The following SMG6 variants were observed in gnomAD, a reference collection of about 807,000 sequenced individuals.
The protein encoded by SMG6 is SMG6 nonsense mediated mRNA decay factor, also known as telomerase-binding protein EST1A.
Under a neutral mutation model 142.2 loss-of-function variants are expected in SMG6, and 66 were observed. That is an observed-to-expected ratio of 0.46 (90% CI 0.38 to 0.57). The LOEUF (loss-of-function observed/expected upper bound fraction) is 0.57. SMG6 is among the 20% of genes least tolerant of loss of function. The pLI is 0.00. For missense variants in SMG6, 1,793 were observed against 1,832.0 expected (o/e 0.98, Z 0.39); for synonymous variants, 779 against 702.4 (o/e 1.11, Z -1.72).
chr17:2,300,030 T>G lies in SMG6; in HGVS notation c.723A>C (p.Ala241=), dbSNP rs768254099. The G allele has an allele frequency of 3.0e-5, 48 of 1,614,076 alleles. No individual in the cohort carries two copies. The highest frequency in any genetic ancestry group is 1.7e-6 in the Non-Finnish European group (2 of 1,180,038). The change falls in exon 2 of 19, where the codon GCA becomes GCC. Residue 241 remains alanine (A), a synonymous_variant. Transcript: ENST00000263073. ...DDPARGRPGS[A]KRYSRSDKRR... is the part of the protein sequence containing the mutation. ...GTTTGTCTGAGCGGGAGTAGCGCTT[T>G]GCGGAGCCCGGCCTCCCGCGGGCTG... is the stretch of plus-strand genomic sequence containing the variant.
intron 2 of SMG6, 37 bp from the exon 3 acceptor site, chr17:2,298,092 C>T (rs1176810991): frequency 6.4e-7 from 1 of 1,555,680 alleles, no homozygotes; most frequent in East Asian, 2.3e-5. Context: ...GCTCCAAATA[C>T]ACCACAGAAA....
intron 10 of SMG6, among the ~76,000 whole-genome samples, chr17:2,218,488 G>A (rs1367820987): frequency 6.6e-6 from 1 of 152,160 alleles, no homozygotes; most frequent in Non-Finnish European, 1.5e-5. Flanking sequence ...AGAGCTTGCA[G>A]TGAGCCTAGA....
rs35173108 is a variant in SMG6, at chr17:2,188,435, G to A, written c.2950C>T (p.Arg984Cys). Reference protein sequence around the residue: ...LGLAMFSLLVRRCTCLLKESA... With the variant: ...LGLAMFSLLVCRCTCLLKESA... Reference sequence around the variant, plus strand: ...TCCTTAAGTAAGCAGGTGCAGCGGCGGACCAGTAGAGAAAACATGGCCAAG... The same window carrying A: ...TCCTTAAGTAAGCAGGTGCAGCGGCAGACCAGTAGAGAAAACATGGCCAAG... The change falls in exon 11 of 19, where the codon CGC becomes TGC. Residue 984 changes from arginine (R) to cysteine (C), a missense_variant. Around this residue, in one of 3 missense-constraint regions of SMG6, gnomAD observed 1,597 missense variants for 1,584.6 expected, o/e 1.01. Coordinates refer to ENST00000263073, the MANE Select transcript of SMG6 (RefSeq NM_017575.5). 11,293 of 1,613,922 alleles carry A rather than the reference G, an allele frequency of 7.0e-3. 626 individuals carry two copies. In the African/African-American group the frequency reaches 0.13, roughly 18 times the overall value.
At chr17:2,135,604 G>T (rs2070268396) in intron 13 of SMG6, among the ~76,000 whole-genome samples, 2 of 152,184 alleles carry the variant, frequency 1.3e-5, no homozygotes, top group Non-Finnish European at 2.9e-5. Context: ...GTACCCATTA[G>T]TCTCATGTGG....
chr17:2,119,633 G>A (rs908279156), intron 13 of SMG6, among the ~76,000 whole-genome samples: 2 of 151,934 alleles, frequency 1.3e-5, no homozygotes, highest in Admixed American at 6.6e-5. Flanking sequence ...CTGAGTAGTT[G>A]GGATTACAGG....
At position 2,299,614 on chromosome 17, in the gene SMG6, T is replaced by C. The variant is rs1456288172; in HGVS notation, c.1139A>G (p.Lys380Arg). 1 of 1,614,186 alleles carries C rather than the reference T, an allele frequency of 6.2e-7. No homozygotes were observed. The highest frequency in any genetic ancestry group is 1.1e-5 in the South Asian group (1 of 91,088). The change falls in exon 2 of 19, where the codon AAA (lysine) becomes AGA (arginine). Residue 380 changes from lysine to arginine, a missense_variant. Lys to Arg is a conservative substitution (Grantham distance 26). Transcript: ENST00000263073. This position sits in a 1 kb window ranked among gnomAD's most constrained non-coding sequence, Gnocchi z 4.3. Reference sequence around the variant, plus strand: ...GCCTTTGCCCCCACTGCTCAAGCCTTTGTCAGGCTTTCCTCTATCCATATC... The same window carrying C: ...GCCTTTGCCCCCACTGCTCAAGCCTCTGTCAGGCTTTCCTCTATCCATATC... ...RDDMDRGKPD[K>R]GLSSGGKGSE...
chr17:2,064,859 C>A (rs1342978529), intron 18 of SMG6, among the ~76,000 whole-genome samples: 2 of 151,544 alleles, frequency 1.3e-5, no homozygotes, highest in Non-Finnish European at 3.0e-5. Flanking sequence ...CTGGGCTAGG[C>A]TCATCTCTAG....
intron 13 of SMG6, among the ~76,000 whole-genome samples, chr17:2,090,199 A>G (rs1263195172): frequency 2.1e-4 from 32 of 151,228 alleles, no homozygotes; most frequent in Admixed American, 1.7e-3. Context: ...AAAAAAAAAA[A>G]AAAGGAAAGA....
intron 13 of SMG6, among the ~76,000 whole-genome samples, chr17:2,092,885 G>C (rs1211031645): frequency 6.6e-6 from 1 of 152,224 alleles, no homozygotes; most frequent in Non-Finnish European, 1.5e-5. Flanking sequence ...GTTTGCTCAA[G>C]TTGTTTGTGA....
At chr17:2,141,104 G>A (rs1400828302) in intron 13 of SMG6, among the ~76,000 whole-genome samples, 3 of 152,206 alleles carry the variant, frequency 2.0e-5, no homozygotes, top group African/African-American at 7.2e-5. Flanking sequence ...ACTACATTAA[G>A]ATTTGTTTTT....
chr17:2,282,621 T>G (rs369818856), intron 8 of SMG6, 26 bp downstream of exon 8: 1 of 1,611,382 alleles, frequency 6.2e-7, no homozygotes, highest in Non-Finnish European at 8.5e-7. Context: ...CTAGTTTGGC[T>G]CATTGCATCA....
chr17:2,217,890 G>A (rs2151760587), intron 10 of SMG6, among the ~76,000 whole-genome samples: 1 of 151,646 alleles, frequency 6.6e-6, no homozygotes, highest in South Asian at 2.1e-4. Context: ...CACACCTGTA[G>A]TCCCAGCTAC....
intron 13 of SMG6, among the ~76,000 whole-genome samples, chr17:2,172,333 G>T (rs1597516855): frequency 6.6e-6 from 1 of 152,218 alleles, no homozygotes; most frequent in East Asian, 1.9e-4. Context: ...GGGGGAGAAA[G>T]GAGGGTGCTT....
chr17:2,086,243 C>A (rs1483043470), intron 13 of SMG6, among the ~76,000 whole-genome samples: 1 of 152,184 alleles, frequency 6.6e-6, no homozygotes, highest in Non-Finnish European at 1.5e-5. Context: ...TGGTCTAGAA[C>A]CAGCAGAGGG....
chr17:2,079,081 A>G (rs1176402909), intron 15 of SMG6, among the ~76,000 whole-genome samples: 3 of 152,046 alleles, frequency 2.0e-5, no homozygotes, highest in Non-Finnish European at 2.9e-5. Context: ...CTCCTGCCTC[A>G]GCCTCCCGAG....
chr17:2,297,174 C>A, intron 4 of SMG6, 69 bp downstream of exon 4: 1 of 1,091,000 alleles, frequency 9.2e-7, no homozygotes, highest in South Asian at 1.4e-5. Flanking sequence ...GTGTCTAGCA[C>A]ATACCTAACA....
intron 10 of SMG6, among the ~76,000 whole-genome samples, chr17:2,235,131 CT>C (rs1398319300): frequency 3.3e-5 from 5 of 152,196 alleles, no homozygotes; most frequent in Non-Finnish European, 7.3e-5. Flanking sequence ...ATTTTACAAA[CT>C]TTGTTCTCTT....
chr17:2,294,743 T>C (rs2075109812), intron 4 of SMG6, among the ~76,000 whole-genome samples: 1 of 152,126 alleles, frequency 6.6e-6, no homozygotes, highest in Admixed American at 6.6e-5. Context: ...CCATCAGCAA[T>C]TACTCATCCA....
At chr17:2,292,426 T>G in intron 6 of SMG6, 126 bp downstream of exon 6, 1 of 903,566 alleles carries the variant, frequency 1.1e-6, no homozygotes, top group South Asian at 1.6e-5. Flanking sequence ...CAAAAGGAGT[T>G]TGAGGGGATA....
Sources: gnomAD v4.1 joint callset for allele counts (sites outside exome capture counted in the v4.1 genomes callset) on GRCh38, gnomAD v4.1.1 for gene constraint, gnomAD v4.1.1 regional missense constraint, Gnocchi (gnomAD v3.1) non-coding constraint, MANE v1.5 for transcripts, NCBI Gene and HGNC (gene_info 2026-07-23, HGNC 2026-07-21) for gene names.